NRG3: variants seen among roughly 807,000 people sequenced by gnomAD.
NRG3 encodes the protein neuregulin 3.
Under a neutral mutation model 66.9 loss-of-function variants are expected in NRG3, and 31 were observed. The observed-to-expected ratio is 0.46, with a 90% CI of 0.35 to 0.63. The LOEUF is 0.63. Ranked by LOEUF, NRG3 falls within the 20% of genes least tolerant of loss-of-function variation. The pLI, the probability that NRG3 is intolerant of heterozygous loss-of-function variation, is 0.00. For missense variants in NRG3, 910 were observed against 878.9 expected, an observed-to-expected ratio of 1.04 and a Z score of -0.45; for synonymous variants, 393 against 359.4, an observed-to-expected ratio of 1.09 and a Z score of -1.06.
At chr10:81,998,769 T>C (rs2061047978) in intron 1 of NRG3, among the ~76,000 whole-genome samples, 1 of 152,174 alleles carries the variant, frequency 6.6e-6, no homozygotes, top group South Asian at 2.1e-4. Context: ...GATAAGCATA[T>C]ATCTTAAGTA....
At position 82,724,197 on chromosome 10, in the gene NRG3, A is replaced by G. The variant is rs1406296348; in HGVS notation, c.954-14380A>G. Among the ~76,000 whole-genome samples, 6 of 151,606 alleles carry G rather than the reference A, an allele frequency of 4.0e-5. 1 individual carries two copies. The highest frequency in any genetic ancestry group is 8.8e-5 in the Non-Finnish European group (6 of 67,990). On this transcript the variant is annotated intron_variant, in intron 2 of 8. Transcript: ENST00000372141. ...AACAATTATATTTGACTGAGTGCCA[A>G]TTTAAACCTATAGGCCTATGCTACT...
intron 1 of NRG3, among the ~76,000 whole-genome samples, chr10:81,902,391 T>C (rs1251079257): frequency 1.3e-5 from 2 of 152,130 alleles, no homozygotes; most frequent in African/African-American, 4.8e-5. Context: ...CATATGCTGG[T>C]ATTAGGAGGC....
chr10:82,311,112 CT>C (rs2081002289), intron 1 of NRG3, among the ~76,000 whole-genome samples: 2 of 142,956 alleles, frequency 1.4e-5, no homozygotes, highest in African/African-American at 5.7e-5. Flanking sequence ...CTCTGAGTTG[CT>C]CTAAGATTGA....
At chr10:82,881,434 C>A (rs1004131371) in intron 4 of NRG3, among the ~76,000 whole-genome samples, 4 of 152,184 alleles carry the variant, frequency 2.6e-5, no homozygotes, top group African/African-American at 7.2e-5. Flanking sequence ...ATTCAGACTG[C>A]TAACTTCAGT....
At chr10:82,088,402 G>A (rs1182446458) in intron 1 of NRG3, among the ~76,000 whole-genome samples, 1 of 152,100 alleles carries the variant, frequency 6.6e-6, no homozygotes, top group Non-Finnish European at 1.5e-5. Context: ...ACAAATTAAT[G>A]TGTCTACAGC....
intron 3 of NRG3, among the ~76,000 whole-genome samples, chr10:82,782,389 G>T (rs2060153467): frequency 6.6e-6 from 1 of 152,086 alleles, no homozygotes; most frequent in African/African-American, 2.4e-5. Flanking sequence ...CTCACCAGAT[G>T]CAGGTCCCTT....
chr10:82,701,657 T>G (rs983924266), intron 2 of NRG3, among the ~76,000 whole-genome samples: 2 of 152,202 alleles, frequency 1.3e-5, no homozygotes, highest in South Asian at 4.1e-4. Flanking sequence ...TTTTGGATAG[T>G]CAATTTCTTG....
chr10:82,240,624 C>G (rs2076966290), intron 1 of NRG3, among the ~76,000 whole-genome samples: 1 of 151,978 alleles, frequency 6.6e-6, no homozygotes, highest in Non-Finnish European at 1.5e-5. Context: ...GGAAGATGGC[C>G]TCAATTGAAA....
At chr10:82,396,395 A>T (rs1296882657) in intron 2 of NRG3, among the ~76,000 whole-genome samples, 2 of 152,146 alleles carry the variant, frequency 1.3e-5, no homozygotes, top group African/African-American at 4.8e-5. Flanking sequence ...ATTTAATTCA[A>T]ATTCCACTTC....
At chr10:82,892,067 G>T (rs1843201748) in intron 4 of NRG3, among the ~76,000 whole-genome samples, 1 of 152,100 alleles carries the variant, frequency 6.6e-6, no homozygotes, top group African/African-American at 2.4e-5. Context: ...TAGTTTTCAA[G>T]TGTTAAACCA....
intron 1 of NRG3, among the ~76,000 whole-genome samples, chr10:81,960,457 A>G (rs967981233): frequency 1.3e-5 from 2 of 152,018 alleles, no homozygotes; most frequent in Non-Finnish European, 2.9e-5. Context: ...TTCTTCCTCA[A>G]TGGAACCTTA....
chr10:81,889,729 G>A (rs1459573586), intron 1 of NRG3: 1 of 152,036 alleles, frequency 6.6e-6, no homozygotes, highest in Non-Finnish European at 1.5e-5. Context: ...TTATTTGCTT[G>A]GAATATTTTT....
chr10:82,578,393 T>C (rs2046159134), intron 2 of NRG3, among the ~76,000 whole-genome samples: 2 of 150,560 alleles, frequency 1.3e-5, no homozygotes, highest in Non-Finnish European at 3.0e-5. Context: ...GATAAGACTC[T>C]GAAAGCTATA....
chr10:82,024,501 T>C (rs938937972), intron 1 of NRG3, among the ~76,000 whole-genome samples: 1 of 152,072 alleles, frequency 6.6e-6, no homozygotes, highest in African/African-American at 2.4e-5. Context: ...AGTTTACATG[T>C]GGTTTTCATT....
intron 1 of NRG3, among the ~76,000 whole-genome samples, chr10:81,876,677 G>C (rs1209749820): frequency 6.6e-6 from 1 of 152,172 alleles, no homozygotes; most frequent in African/African-American, 2.4e-5. Flanking sequence ...TGGAGATAAT[G>C]GTAGAATGTT....
chr10:82,318,879 G>A (rs796881947), intron 1 of NRG3, among the ~76,000 whole-genome samples: 71 of 152,256 alleles, frequency 4.7e-4, no homozygotes, highest in African/African-American at 1.6e-3. Context: ...AATATTTGCC[G>A]AATGAGTGAA....
intron 1 of NRG3, among the ~76,000 whole-genome samples, chr10:82,103,418 C>T (rs2066879942): frequency 6.6e-6 from 1 of 152,262 alleles, no homozygotes; most frequent in Non-Finnish European, 1.5e-5. Context: ...AGCAAGCAGT[C>T]AACTTAGGTT....
At chr10:82,434,434 C>T (rs2090006939) in intron 2 of NRG3, among the ~76,000 whole-genome samples, 1 of 152,072 alleles carries the variant, frequency 6.6e-6, no homozygotes, top group Admixed American at 6.6e-5. Flanking sequence ...TTCGAATACT[C>T]TTTATTTCTT....
At chr10:81,934,053 G>A (rs1476613441) in intron 1 of NRG3, among the ~76,000 whole-genome samples, 1 of 152,104 alleles carries the variant, frequency 6.6e-6, no homozygotes, top group East Asian at 1.9e-4. Context: ...TATTTCATGA[G>A]CTTTCAAGTC....
Sources: gnomAD v4.1 joint callset for allele counts (sites outside exome capture counted in the v4.1 genomes callset) on GRCh38, gnomAD v4.1.1 for gene constraint, MANE v1.5 for transcripts, NCBI Gene and HGNC (gene_info 2026-07-23, HGNC 2026-07-21) for gene names.